Variants in TAPBPL observed in about 807,000 individuals in gnomAD.
TAPBPL encodes the protein TAP binding protein like.
Under a neutral mutation model 44.8 loss-of-function variants are expected in TAPBPL, and 32 were observed. That is an observed-to-expected ratio of 0.71 (90% confidence interval 0.54 to 0.96). The LOEUF is 0.96. Ranked by LOEUF, TAPBPL falls within the 40% of genes least tolerant of loss-of-function variation. The pLI, the probability that TAPBPL is intolerant of heterozygous loss-of-function variation, is 0.00. For missense variants in TAPBPL, 520 were observed against 586.6 expected (o/e 0.89, Z 1.17); for synonymous variants, 230 against 240.7 (o/e 0.96, Z 0.41).
intron 5 of TAPBPL, 99 bp from the exon 6 acceptor site, chr12:6,460,756 A>G (rs1592139939): frequency 2.6e-6 from 3 of 1,169,824 alleles, no homozygotes; most frequent in Non-Finnish European, 2.5e-6. Flanking sequence ...CACACACACA[A>G]TCCTTAGCTC....
chr12:6,462,877 G>A (rs1339348572), downstream of TAPBPL: 5 of 1,600,372 alleles, frequency 3.1e-6, no homozygotes, highest in African/African-American at 2.7e-5. Flanking sequence ...GGAAACAAGG[G>A]CGAAAGGAAA....
downstream of TAPBPL, chr12:6,466,639 A>T (rs533947880): frequency 3.8e-6 from 1 of 261,708 alleles, no homozygotes; most frequent in African/African-American, 2.3e-5. Flanking sequence ...AAGTAGGGAG[A>T]CAAACCATAG....
At chr12:6,468,696 C>T (rs1290580388), downstream of TAPBPL, among the ~76,000 whole-genome samples, 3 of 152,160 alleles carry the variant, frequency 2.0e-5, no homozygotes, top group African/African-American at 7.2e-5. Flanking sequence ...CTGTACCACT[C>T]AAAGTTAGTG....
intron 5 of TAPBPL, among the ~76,000 whole-genome samples, 196 bp from the exon 6 acceptor site, chr12:6,460,659 G>A (rs1178718237): frequency 2.6e-5 from 4 of 152,228 alleles, no homozygotes; most frequent in African/African-American, 9.6e-5. Context: ...AGAGAATTCT[G>A]TGTGGAGTAA....
chr12:6,458,952 T>C lies in TAPBPL; in HGVS notation c.1207+5T>C. The stretch of plus-strand genomic sequence containing the variant: ...GCACCCAGGTTGTCCCACCAGGTAC[T>C]GGGAGTGTCCTCCTTTTCCCCACCT... On this transcript the variant is annotated splice_donor_5th_base_variant and intron_variant, in intron 5 of 6. Transcript: ENST00000266556. 4 of 1,611,634 alleles carry C rather than the reference T, an allele frequency of 2.5e-6. No homozygotes were observed. The highest frequency in any genetic ancestry group is 3.4e-6 in the Non-Finnish European group (4 of 1,178,232).
upstream of TAPBPL, chr12:6,451,943 A>G: frequency 2.2e-6 from 1 of 450,160 alleles, no homozygotes. Context: ...GGTGGGGAGC[A>G]AAAGGGTGCA....
At chr12:6,458,602 CA>C (rs761244444) in intron 4 of TAPBPL, 42 bp from the exon 5 acceptor site, 2 of 1,599,466 alleles carry the variant, frequency 1.3e-6, no homozygotes, top group Admixed American at 3.4e-5. Flanking sequence ...CCGCTGTCCC[CA>C]GTTAGATCCA....
At chr12:6,452,344 G>A in intron 1 of TAPBPL, 32 bp downstream of exon 1, 1 of 1,560,398 alleles carries the variant, frequency 6.4e-7, no homozygotes. Context: ...AGCTGGCTGG[G>A]AGAAGAGCTA....
rs553972468 is a variant in TAPBPL, at chr12:6,453,327, C to T, written c.295+30C>T. The stretch of plus-strand genomic sequence containing the variant: ...AAGCCTTCCACCTGTGTCCTTGGTC[C>T]TCCCGGGCTCCCTCCACCAGGACAG... On this transcript the variant is annotated intron_variant, in intron 2 of 6. Transcript: ENST00000266556. This position sits in a 1 kb window ranked among gnomAD's most constrained non-coding sequence, Gnocchi z 4.8. The T allele has an allele frequency of 3.6e-5, 58 of 1,611,586 alleles. No individual in the cohort carries two copies. The South Asian group carries it at 5.5e-4, about 15-fold the overall frequency.
chr12:6,467,743 T>C (rs879725220), downstream of TAPBPL, among the ~76,000 whole-genome samples: 8 of 152,126 alleles, frequency 5.3e-5, no homozygotes, highest in Admixed American at 3.9e-4. Context: ...AAAAGTTATT[T>C]TGTGGGCCAG....
intron 5 of TAPBPL, among the ~76,000 whole-genome samples, chr12:6,460,652 G>A (rs909150037): frequency 6.6e-6 from 1 of 152,202 alleles, no homozygotes; most frequent in African/African-American, 2.4e-5. Flanking sequence ...AAGAGGTAGA[G>A]AATTCTGTGT....
chr12:6,457,713 A>G lies in TAPBPL; in HGVS notation c.873A>G (p.Arg291=). 2 of 1,598,766 alleles carry G rather than the reference A, an allele frequency of 1.3e-6. No individual in the cohort carries two copies. Among genetic ancestry groups the G allele is most frequent in the Non-Finnish European group, 8.6e-7 (1 of 1,168,814 alleles). Residue 291 remains arginine, a synonymous_variant, in exon 4 of 7, where the codon CGA becomes CGG. Transcript: ENST00000266556. ...YICQITTSLY[R]AQQIIQLNIQ... Reference sequence around the variant, plus strand: ...GCCAGATCACCACCTCTCTGTACCGAGCTCAGCAGATCATCCAGCTCAACA... The same window carrying G: ...GCCAGATCACCACCTCTCTGTACCGGGCTCAGCAGATCATCCAGCTCAACA...
At chr12:6,456,451 G>A (rs1451380211) in intron 3 of TAPBPL, among the ~76,000 whole-genome samples, 2 of 137,656 alleles carry the variant, frequency 1.5e-5, no homozygotes, top group Admixed American at 7.9e-5. Flanking sequence ...CACAACCTCC[G>A]CCTCCTGGGT....
At chr12:6,462,713 G>T (rs1949909623), downstream of TAPBPL, 1 of 1,079,270 alleles carries the variant, frequency 9.3e-7, no homozygotes. Flanking sequence ...ACACATCGAG[G>T]ACAGTGGTGG....
At chr12:6,461,432 G>C in intron 6 of TAPBPL, 1 of 1,003,132 alleles carries the variant, frequency 1.0e-6, no homozygotes, top group Non-Finnish European at 1.2e-6. Flanking sequence ...GGAGGAAATG[G>C]AGAAGGAACA....
At chr12:6,452,842 A>G (rs1393740054) in intron 1 of TAPBPL, among the ~76,000 whole-genome samples, 2 of 152,232 alleles carry the variant, frequency 1.3e-5, no homozygotes, top group Admixed American at 6.5e-5. Flanking sequence ...AGCAAGGCAA[A>G]TCCAGGACTT....
chr12:6,452,340 C>A, intron 1 of TAPBPL, 28 bp downstream of exon 1: 1 of 1,562,306 alleles, frequency 6.4e-7, no homozygotes, highest in Non-Finnish European at 8.7e-7. Context: ...GGAGAGCTGG[C>A]TGGGAGAAGA....
downstream of TAPBPL, chr12:6,465,722 G>A (rs1024015720): frequency 1.4e-5 from 19 of 1,359,562 alleles, no homozygotes; most frequent in African/African-American, 1.6e-4. Context: ...CCTCCCAAGC[G>A]TTATGCTGGT....
intron 5 of TAPBPL, among the ~76,000 whole-genome samples, chr12:6,459,750 T>C (rs914785854): frequency 1.1e-4 from 16 of 145,294 alleles, no homozygotes; most frequent in African/African-American, 4.5e-4. Context: ...ATTTATTTAT[T>C]TATTTATTTA....
Sources: allele counts gnomAD v4.1 joint callset (sites outside exome capture counted in the v4.1 genomes callset), GRCh38; gene constraint gnomAD v4.1.1; non-coding constraint Gnocchi (gnomAD v3.1); transcripts MANE v1.5; gene names NCBI Gene and HGNC (gene_info 2026-07-23, HGNC 2026-07-21).